The following SLC4A10 variants were observed in gnomAD, a reference collection of about 807,000 sequenced individuals.
The protein encoded by SLC4A10 is solute carrier family 4 member 10.
In SLC4A10, 42 loss-of-function variants were observed where a neutral mutation model predicts 137.7. That is an observed-to-expected ratio of 0.30 (90% confidence interval 0.24 to 0.39). SLC4A10 has a LOEUF of 0.39. Ranked by LOEUF, SLC4A10 falls within the 10% of genes least tolerant of loss-of-function variation. SLC4A10 has a pLI of 1.00. For synonymous variants in SLC4A10, 474 were observed against 464.1 expected (o/e 1.02, Z -0.27); for missense variants, 925 against 1,355.0 (o/e 0.68, Z 4.98).
chr2:161,657,911 T>A (rs966376174), intron 1 of SLC4A10, among the ~76,000 whole-genome samples: 2 of 152,152 alleles, frequency 1.3e-5, no homozygotes, highest in African/African-American at 4.8e-5. Flanking sequence ...TAGACCAATA[T>A]GCAATTATAA....
chr2:161,766,547 T>C (rs2050817620), intron 1 of SLC4A10, among the ~76,000 whole-genome samples: 1 of 152,132 alleles, frequency 6.6e-6, no homozygotes, highest in Admixed American at 6.6e-5. Context: ...CATGGATACA[T>C]GACTTAGCTT....
At position 161,643,332 on chromosome 2, in the gene SLC4A10, A is replaced by T. The variant is rs150870141; in HGVS notation, c.48+18766A>T. The stretch of plus-strand genomic sequence containing the variant: ...TTTGGATATTAGCATTTGAAAAAGC[A>T]TTACTTTACTGAATCTTAATTCAAA... On this transcript the variant is annotated intron_variant, in intron 1 of 26. Coordinates refer to ENST00000446997, the MANE Select transcript of SLC4A10 (RefSeq NM_001178015.2). 2.7e-4 allele frequency among the ~76,000 whole-genome samples: 41 copies of T among 152,238 alleles called. No homozygotes were observed. The East Asian group carries it at 7.9e-3, about 29-fold the overall frequency.
chr2:161,849,982 C>T (rs2059734682), intron 4 of SLC4A10, among the ~76,000 whole-genome samples: 1 of 151,772 alleles, frequency 6.6e-6, no homozygotes, highest in African/African-American at 2.4e-5. Flanking sequence ...CTTTACACAT[C>T]TGGTAGAATT....
chr2:161,849,449 T>C (rs2059697359), intron 4 of SLC4A10, among the ~76,000 whole-genome samples: 1 of 152,112 alleles, frequency 6.6e-6, no homozygotes, highest in Non-Finnish European at 1.5e-5. Context: ...TGAATAAGAA[T>C]GGTGAGAGTG....
intron 15 of SLC4A10, among the ~76,000 whole-genome samples, chr2:161,925,829 C>T (rs1180225654): frequency 6.6e-6 from 1 of 152,064 alleles, no homozygotes; most frequent in African/African-American, 2.4e-5. Context: ...CATTCAGGAG[C>T]AGGTTGTTCA....
chr2:161,788,191 A>C (rs1017637785), intron 2 of SLC4A10, among the ~76,000 whole-genome samples: 2 of 150,770 alleles, frequency 1.3e-5, no homozygotes, highest in Admixed American at 1.3e-4. Flanking sequence ...TTGGTTATGG[A>C]TAGCCTTTGT....
At chr2:161,911,650 C>G (rs1319843090) in intron 15 of SLC4A10, among the ~76,000 whole-genome samples, 1 of 151,994 alleles carries the variant, frequency 6.6e-6, no homozygotes, top group African/African-American at 2.4e-5. Flanking sequence ...TATTTGTGTA[C>G]CTTCACTAGA....
chr2:161,917,875 A>G (rs975927927), intron 15 of SLC4A10, among the ~76,000 whole-genome samples: 4 of 152,178 alleles, frequency 2.6e-5, no homozygotes, highest in Admixed American at 6.5e-5. Flanking sequence ...AATATTTGTT[A>G]AACAAATGAA....
At chr2:161,699,691 G>A (rs764106640) in intron 1 of SLC4A10, among the ~76,000 whole-genome samples, 2 of 152,136 alleles carry the variant, frequency 1.3e-5, no homozygotes, top group African/African-American at 2.4e-5. Flanking sequence ...GAGGATTAAA[G>A]GGCTTTGAGA....
chr2:161,734,886 G>T (rs1176067574), intron 1 of SLC4A10, among the ~76,000 whole-genome samples: 1 of 152,104 alleles, frequency 6.6e-6, no homozygotes, highest in South Asian at 2.1e-4. Flanking sequence ...GATCATGGGG[G>T]TGGTTTCCCA....
chr2:161,942,351 C>A (rs796509526), intron 15 of SLC4A10, among the ~76,000 whole-genome samples: 14 of 152,272 alleles, frequency 9.2e-5, no homozygotes, highest in African/African-American at 3.4e-4. Flanking sequence ...ATCTTCTTCT[C>A]ACTGATATAT....
chr2:161,867,348 A>C (rs2060823996), intron 6 of SLC4A10, among the ~76,000 whole-genome samples: 1 of 152,008 alleles, frequency 6.6e-6, no homozygotes, highest in Non-Finnish European at 1.5e-5. Context: ...GATATCCAGG[A>C]TTTAAAATTT....
intron 11 of SLC4A10, among the ~76,000 whole-genome samples, chr2:161,895,244 C>G (rs2063341381): frequency 6.6e-6 from 1 of 152,024 alleles, no homozygotes; most frequent in Admixed American, 6.6e-5. Context: ...GATGTGAACT[C>G]ATCATTTTTA....
At position 161,904,174 on chromosome 2, in the gene SLC4A10, G is replaced by A. The variant is rs759649791; in HGVS notation, c.1613G>A (p.Arg538His). 15 of 1,607,952 alleles carry A rather than the reference G, an allele frequency of 9.3e-6. No individual in the cohort carries two copies. The highest frequency in any genetic ancestry group is 5.1e-5 in the Admixed American group (3 of 59,056). The change falls in exon 13 of 27, where the codon CGT (arginine) becomes CAT (histidine). Residue 538 changes from arginine to histidine, a missense_variant. Physicochemically the swap from Arg to His is conservative, Grantham distance 29. Transcript: ENST00000446997. ...GGLLGEATEG[R>H]ISAIESLFGA... ...CTGCTGGGAGAAGCAACTGAAGGGCGTATAGTATGTATTATGCTTTTCTCT... is the reference window on the plus strand; with the variant it reads ...CTGCTGGGAGAAGCAACTGAAGGGCATATAGTATGTATTATGCTTTTCTCT...
intron 2 of SLC4A10, among the ~76,000 whole-genome samples, chr2:161,794,469 G>C (rs889105687): frequency 6.6e-6 from 1 of 152,022 alleles, no homozygotes; most frequent in South Asian, 2.1e-4. Context: ...CCATGTGTAA[G>C]TGCTGTAAGA....
Position 161,831,897 on chromosome 2 carries a change from C to G in SLC4A10, c.278-7892C>G, listed in dbSNP as rs142531998. ...AAGATGGCTGTTGGGAGACAAATCT[C>G]CATGTATCCTTTATGTTCCCAAACA... On this transcript the variant is annotated intron_variant, in intron 3 of 26. Coordinates refer to ENST00000446997, the MANE Select transcript of SLC4A10 (RefSeq NM_001178015.2). Among the ~76,000 whole-genome samples the G allele has an allele frequency of 4.0e-3, 616 of 152,226 alleles. 9 individuals are homozygous for G. The highest frequency in any genetic ancestry group is 0.04 in the East Asian group (209 of 5,174).
intron 1 of SLC4A10, among the ~76,000 whole-genome samples, chr2:161,769,069 A>G (rs1293361095): frequency 1.3e-5 from 2 of 151,972 alleles, no homozygotes; most frequent in Admixed American, 6.6e-5. Context: ...TTTCCTCTAC[A>G]GTGTAACAAA....
At chr2:161,746,882 A>T (rs756102207) in intron 1 of SLC4A10, among the ~76,000 whole-genome samples, 1 of 152,092 alleles carries the variant, frequency 6.6e-6, no homozygotes, top group Non-Finnish European at 1.5e-5. Context: ...GTTGTCGAGA[A>T]GCTACGGCCT....
intron 3 of SLC4A10, among the ~76,000 whole-genome samples, chr2:161,831,556 A>T (rs1402205895): frequency 6.6e-6 from 1 of 151,990 alleles, no homozygotes; most frequent in Non-Finnish European, 1.5e-5. Context: ...AGGTAAATGA[A>T]TTTTTTTCTG....
Sources: allele counts gnomAD v4.1 joint callset (sites outside exome capture counted in the v4.1 genomes callset), GRCh38; gene constraint gnomAD v4.1.1; transcripts MANE v1.5; gene names NCBI Gene and HGNC (gene_info 2026-07-23, HGNC 2026-07-21).